ARHGEF3: variants seen among roughly 807,000 people sequenced by gnomAD.
ARHGEF3 encodes Rho guanine nucleotide exchange factor 3, also known as 59.8 kDA protein.
In ARHGEF3, 28 loss-of-function variants were observed where a neutral mutation model predicts 63.2. That is an observed-to-expected ratio of 0.44 (90% confidence interval 0.33 to 0.61). The LOEUF (loss-of-function observed/expected upper bound fraction) is 0.61. Ranked by LOEUF, ARHGEF3 falls within the 20% of genes least tolerant of loss-of-function variation. ARHGEF3 has a pLI of 0.03. For synonymous variants in ARHGEF3, 266 were observed against 254.2 expected, an observed-to-expected ratio of 1.05 and a Z score of -0.44; for missense variants, 533 against 659.3, an observed-to-expected ratio of 0.81 and a Z score of 2.10.
chr3:56,839,714 G>A (rs2039246178), intron 4 of ARHGEF3, among the ~76,000 whole-genome samples: 1 of 152,196 alleles, frequency 6.6e-6, no homozygotes, highest in African/African-American at 2.4e-5. Flanking sequence ...GGGTCTGGCA[G>A]CTGAGCTTTC....
At chr3:56,977,176 TCCA>T in intron 2 of ARHGEF3, 1 of 450,968 alleles carries the variant, frequency 2.2e-6, no homozygotes, top group South Asian at 1.6e-5. Flanking sequence ...GCCCCAGAGC[TCCA>T]CCAAGTTGCA....
chr3:56,792,113 AAAAAGAAAAGAAAAGAAAAG>A, intron 1 of ARHGEF3, among the ~76,000 whole-genome samples: 1 of 140,060 alleles, frequency 7.1e-6, no homozygotes, highest in East Asian at 2.1e-4. Context: ...CAAAAAAAAA[AAAAAGAAAAGAAAAGAAAAG>A]AAAAGAAAAG....
In ARHGEF3 at chr3:56,854,151, C is replaced by T. The variant is rs150856425; in HGVS notation, c.192+28141G>A. Among the ~76,000 whole-genome samples the T allele has an allele frequency of 7.2e-3, 1,101 of 151,996 alleles. 18 individuals carry two copies. The highest frequency in any genetic ancestry group is 0.025 in the African/African-American group (1,052 of 41,454). On this transcript the variant is annotated intron_variant, in intron 4 of 12. Coordinates refer to the ARHGEF3 transcript ENST00000338458. Reference sequence around the variant, plus strand: ...CAGAGCTTACAGTGAGCCGAGATGGCGCCACTGCACTCCAGCCTGGGTGAC... The same window carrying T: ...CAGAGCTTACAGTGAGCCGAGATGGTGCCACTGCACTCCAGCCTGGGTGAC...
chr3:56,739,602 G>C (rs1281768431), intron 7 of ARHGEF3, among the ~76,000 whole-genome samples: 1 of 151,888 alleles, frequency 6.6e-6, no homozygotes, highest in East Asian at 1.9e-4. Flanking sequence ...TTTTTGCTCT[G>C]TTGCCTAGGC....
intron 3 of ARHGEF3, among the ~76,000 whole-genome samples, chr3:56,938,430 T>C (rs951277891): frequency 6.6e-6 from 1 of 152,216 alleles, no homozygotes; most frequent in Non-Finnish European, 1.5e-5. Context: ...TAATAGAATA[T>C]ATTTTAAGTG....
At chr3:56,994,064 C>CA (rs60299557) in intron 2 of ARHGEF3, among the ~76,000 whole-genome samples, 12,919 of 58,982 alleles carry the variant, frequency 0.22, 2,940 homozygotes, top group East Asian at 0.41. Context: ...AACTTCGTCT[C>CA]AAAAAAAAAA....
intron 4 of ARHGEF3, among the ~76,000 whole-genome samples, chr3:56,838,406 T>G (rs1480765834): frequency 2.6e-5 from 4 of 152,224 alleles, no homozygotes; most frequent in Non-Finnish European, 5.9e-5. Flanking sequence ...CTTAAATTAT[T>G]ATTTCACTTT....
intron 4 of ARHGEF3, among the ~76,000 whole-genome samples, chr3:56,821,878 C>T (rs1452729089): frequency 1.5e-4 from 23 of 151,754 alleles, no homozygotes; most frequent in Admixed American, 1.4e-3. Flanking sequence ...GCAGGAGAAT[C>T]GCTGGAACCG....
chr3:57,072,939 G>A (rs892637325), intron 1 of ARHGEF3, among the ~76,000 whole-genome samples: 3 of 152,058 alleles, frequency 2.0e-5, no homozygotes, highest in Non-Finnish European at 2.9e-5. Flanking sequence ...CCAGCTACTC[G>A]GGAGGCTGAA....
chr3:56,898,356 T>C (rs992796404), intron 3 of ARHGEF3, among the ~76,000 whole-genome samples: 1 of 152,064 alleles, frequency 6.6e-6, no homozygotes, highest in African/African-American at 2.4e-5. Context: ...ATTACAGGCA[T>C]GTGCCACCAC....
At chr3:56,850,390 G>T (rs1387428827) in intron 4 of ARHGEF3, among the ~76,000 whole-genome samples, 1 of 152,306 alleles carries the variant, frequency 6.6e-6, no homozygotes, top group East Asian at 1.9e-4. Context: ...TTAGTTGGGC[G>T]TGGTGGCACA....
chr3:56,852,478 A>G (rs1467462718), intron 4 of ARHGEF3, among the ~76,000 whole-genome samples: 3 of 152,158 alleles, frequency 2.0e-5, no homozygotes, highest in Admixed American at 6.5e-5. Flanking sequence ...CCCAGAAGGT[A>G]CAGCCTGACA....
chr3:57,057,338 T>C (rs983835572), intron 1 of ARHGEF3, among the ~76,000 whole-genome samples: 2 of 152,208 alleles, frequency 1.3e-5, no homozygotes, highest in Non-Finnish European at 2.9e-5. Flanking sequence ...CTCGAACTCC[T>C]GACCTCAAGT....
chr3:56,747,589 T>A (rs1019651170), intron 6 of ARHGEF3, among the ~76,000 whole-genome samples: 1 of 152,128 alleles, frequency 6.6e-6, no homozygotes, highest in South Asian at 2.1e-4. Flanking sequence ...TGTAATCATA[T>A]TACTTTGGGA....
chr3:57,047,155 C>T (rs568198493), intron 1 of ARHGEF3, among the ~76,000 whole-genome samples: 1 of 152,304 alleles, frequency 6.6e-6, no homozygotes, highest in African/African-American at 2.4e-5. Flanking sequence ...CAAGCCCAAT[C>T]TGGCCAACAT....
intron 4 of ARHGEF3, among the ~76,000 whole-genome samples, chr3:56,811,650 T>C (rs1026806996): frequency 1.3e-5 from 2 of 152,174 alleles, no homozygotes; most frequent in East Asian, 1.9e-4. Flanking sequence ...TACTTGATTT[T>C]TTTTCCATCT....
intron 2 of ARHGEF3, among the ~76,000 whole-genome samples, chr3:57,030,049 C>T (rs1703667651): frequency 6.6e-6 from 1 of 152,186 alleles, no homozygotes; most frequent in African/African-American, 2.4e-5. Flanking sequence ...GCAGCGAAAC[C>T]ACCACGTCTA....
At chr3:56,877,483 C>T (rs149653387) in intron 4 of ARHGEF3, among the ~76,000 whole-genome samples, 1 of 151,762 alleles carries the variant, frequency 6.6e-6, no homozygotes, top group East Asian at 1.9e-4. Flanking sequence ...TCGATCCTCC[C>T]ACTTCAGCTT....
At chr3:56,838,139 C>A (rs896150122) in intron 4 of ARHGEF3, among the ~76,000 whole-genome samples, 5 of 152,142 alleles carry the variant, frequency 3.3e-5, no homozygotes, top group Non-Finnish European at 7.4e-5. Context: ...CATTATGTAG[C>A]CTTTAACAAT....
Sources: gnomAD v4.1 joint callset for allele counts (sites outside exome capture counted in the v4.1 genomes callset) on GRCh38, gnomAD v4.1.1 for gene constraint, MANE v1.5 for transcripts, NCBI Gene and HGNC (gene_info 2026-07-23, HGNC 2026-07-21) for gene names.